ZNF548: variants seen among roughly 807,000 people sequenced by gnomAD.
The protein encoded by ZNF548 is zinc finger protein 548.
In ZNF548, 10 loss-of-function variants were observed where a neutral mutation model predicts 10.2. That is an observed-to-expected ratio of 0.98 (90% CI 0.60 to 1.66). The LOEUF (loss-of-function observed/expected upper bound fraction) is 1.66, where lower values mean the gene tolerates loss of function less well. Ranked by LOEUF, ZNF548 falls within the 40% of genes most tolerant of loss-of-function variation. The pLI is 0.00. For synonymous variants in ZNF548, 217 were observed against 223.5 expected, an observed-to-expected ratio of 0.97 and a Z score of 0.26; for missense variants, 599 against 657.0, an observed-to-expected ratio of 0.91 and a Z score of 0.97.
chr19:57,396,117 G>A (rs1032542670), intron 2 of ZNF548, among the ~76,000 whole-genome samples: 9 of 152,192 alleles, frequency 5.9e-5, no homozygotes, highest in African/African-American at 2.2e-4. Flanking sequence ...GTTGTCTGTG[G>A]AATTGACTGG....
In ZNF548 at chr19:57,400,012, C is replaced by T. The variant is rs2088702445; in HGVS notation, c.*123C>T. 1.4e-6 allele frequency: 1 copy of T among 717,764 alleles called. No individual in the cohort carries two copies. Among genetic ancestry groups the T allele is most frequent in the African/African-American group, 1.8e-5 (1 of 56,144 alleles). 44.5% of individuals were successfully genotyped at this position (717,764 alleles called of 1,614,324 possible). A position where few individuals can be genotyped will look rare whatever the true frequency, so the allele number is the denominator to read the frequency against. On this transcript the variant is annotated 3_prime_UTR_variant, in exon 4 of 4. Transcript: ENST00000336128. ...CCATTAACAACAACTCATTCCCCTTCCCTACTTCCCCAGAAATGTCTCAAC... is the reference window on the plus strand; with the variant it reads ...CCATTAACAACAACTCATTCCCCTTTCCTACTTCCCCAGAAATGTCTCAAC...
chr19:57,393,550 C>G (rs1345058890), intron 1 of ZNF548, among the ~76,000 whole-genome samples: 1 of 151,678 alleles, frequency 6.6e-6, no homozygotes, highest in Non-Finnish European at 1.5e-5. Context: ...ATCCCAGCTT[C>G]TCAGGAGGCT....
At chr19:57,397,955 G>A (rs1428373180) in intron 3 of ZNF548, among the ~76,000 whole-genome samples, 2 of 152,162 alleles carry the variant, frequency 1.3e-5, no homozygotes, top group African/African-American at 4.8e-5. Flanking sequence ...CCCACAGTCT[G>A]TACTTCTGGG....
intron 1 of ZNF548, among the ~76,000 whole-genome samples, chr19:57,391,551 T>C (rs2088625031): frequency 6.6e-6 from 1 of 152,188 alleles, no homozygotes; most frequent in African/African-American, 2.4e-5. Context: ...CTGTTTTCCA[T>C]TGAGGTTGTA....
In ZNF548 at chr19:57,402,721, C is replaced by T. The variant is rs1266660970; in HGVS notation, c.*2832C>T. On this transcript the variant is annotated 3_prime_UTR_variant, in exon 4 of 4. Transcript: ENST00000336128. The stretch of plus-strand genomic sequence containing the variant: ...TCATCTTTCCTTGTTAACATGATAA[C>T]TCAGTAGAGCAATGCTTTGGAGATT... 6.6e-6 allele frequency: 1 copy of T among 152,180 alleles called. No individual in the cohort carries two copies. The highest frequency in any genetic ancestry group is 1.5e-5 in the Non-Finnish European group (1 of 68,034). The allele number at this position is 152,180 out of a possible 1,614,324, so 9.4% of individuals were successfully genotyped here. A position where few individuals can be genotyped will look rare whatever the true frequency, so the allele number is the denominator to read the frequency against.
At position 57,399,967 on chromosome 19, in the gene ZNF548, C is replaced by A; in HGVS notation, c.*78C>A. On this transcript the variant is annotated 3_prime_UTR_variant, in exon 4 of 4. Coordinates refer to ENST00000336128, the MANE Select transcript of ZNF548 (RefSeq NM_001172773.2). This position sits in a 1 kb window ranked among gnomAD's most constrained non-coding sequence, Gnocchi z 4.0. The stretch of plus-strand genomic sequence containing the variant: ...ATCTCCAGAACATTTTTCCTCTTAC[C>A]AAGAAGTAAAATGCTGTACCCATTA... The A allele has an allele frequency of 3.3e-6, 4 of 1,226,220 alleles. No individual in the cohort carries two copies. The highest frequency in any genetic ancestry group is 4.4e-6 in the Non-Finnish European group (4 of 902,192). 76.0% of individuals were successfully genotyped at this position (1,226,220 alleles called of 1,614,324 possible).
chr19:57,390,322 G>T, intron 1 of ZNF548: 1 of 467,600 alleles, frequency 2.1e-6, no homozygotes, highest in African/African-American at 2.0e-5. Context: ...GGGCTGTGTT[G>T]GGGCGTCAGG....
Position 57,399,101 on chromosome 19 carries a change from A to G in ZNF548, c.850A>G (p.Lys284Glu), listed in dbSNP as rs1372175123. 6.2e-7 allele frequency: 1 copy of G among 1,614,224 alleles called. No individual in the cohort carries two copies. The highest frequency in any genetic ancestry group is 1.7e-5 in the Admixed American group (1 of 60,018). Reference sequence around the variant, plus strand: ...GTACAACTACCGACTCATGAGACATAAGCGAGTTCACACTGGAGAAAGGCC... The same window carrying G: ...GTACAACTACCGACTCATGAGACATGAGCGAGTTCACACTGGAGAAAGGCC... ...FMYNYRLMRH[K>E]RVHTGERPYE... Residue 284 changes from lysine (K) to glutamate (E), a missense_variant, in exon 4 of 4, where the codon AAG becomes GAG. By Grantham distance (56) the Lys-to-Glu change is moderately conservative. Transcript: ENST00000336128. This position sits in a 1 kb window ranked among gnomAD's most constrained non-coding sequence, Gnocchi z 4.0.
rs1199345740 is a variant in ZNF548 at position 57,397,795 on chromosome 19, A to G, written c.178+621A>G. 4.6e-5 allele frequency among the ~76,000 whole-genome samples: 7 copies of G among 152,134 alleles called. No individual in the cohort carries two copies. The East Asian group carries it at 1.4e-3, about 29-fold the overall frequency. On this transcript the variant is annotated intron_variant, in intron 3 of 3. Coordinates refer to ENST00000336128, the MANE Select transcript of ZNF548 (RefSeq NM_001172773.2). Reference sequence around the variant, plus strand: ...GCCCTGGTGCCTGGGAATTGGGAAAAGGGTTGATGTCACAGCTGGGGTCAA... The same window carrying G: ...GCCCTGGTGCCTGGGAATTGGGAAAGGGGTTGATGTCACAGCTGGGGTCAA...
At position 57,394,240 on chromosome 19, in the gene ZNF548, C is replaced by G. The variant is rs1444897798; in HGVS notation, c.51+17C>G. On this transcript the variant is annotated intron_variant, in intron 2 of 3. Coordinates refer to ENST00000336128, the MANE Select transcript of ZNF548 (RefSeq NM_001172773.2). ...CCTACACAGGTGAGTAGAGTGTTTC[C>G]TACTATTCACCCACCCTGGTTATCT... 1 of 1,600,332 alleles carries G rather than the reference C, an allele frequency of 6.2e-7. No homozygotes were observed. The highest frequency in any genetic ancestry group is 1.3e-5 in the African/African-American group (1 of 74,828).
chr19:57,393,982 A>G (rs930250784), intron 1 of ZNF548: 3 of 635,296 alleles, frequency 4.7e-6, no homozygotes, highest in African/African-American at 1.8e-5. Context: ...TATTCTTGCA[A>G]TCTATTTACA....
rs1026141356 is a variant in ZNF548 at position 57,395,302 on chromosome 19, G to A, written c.51+1079G>A. Among the ~76,000 whole-genome samples the A allele has an allele frequency of 1.3e-5, 2 of 152,076 alleles. No individual in the cohort carries two copies. The highest frequency in any genetic ancestry group is 2.9e-5 in the Non-Finnish European group (2 of 68,010). On this transcript the variant is annotated intron_variant, in intron 2 of 3. Transcript: ENST00000336128. The surrounding 1 kb of genome is among the most constrained non-coding windows in gnomAD (Gnocchi z 4.8). ...TCTGAAGGAGAGTGGACATGATGGG[G>A]TTGCTGAGGGGGGATAATAGGGTGA...
In ZNF548 at chr19:57,390,024, G is replaced by C. The variant is rs942917116; in HGVS notation, c.-76G>C. ...GAGTGAGTCAACTGACAAGCGCTGG[G>C]GACAGTGGCGTCCTTGTCTTGCCTT... On this transcript the variant is annotated 5_prime_UTR_variant, in exon 1 of 4. Transcript: ENST00000336128. 1.3e-6 allele frequency: 2 copies of C among 1,560,666 alleles called. No homozygotes were observed. The highest frequency in any genetic ancestry group is 1.7e-6 in the Non-Finnish European group (2 of 1,150,802).
intron 1 of ZNF548, chr19:57,392,720 G>A: frequency 1.0e-6 from 1 of 957,410 alleles, no homozygotes; most frequent in Non-Finnish European, 1.2e-6. Context: ...TTACCATGCT[G>A]TTTTGGTTAC....
Position 57,399,816 on chromosome 19 carries a change from T to C in ZNF548, c.1565T>C (p.Val522Ala). The change falls in exon 4 of 4, where the codon GTG becomes GCG. Residue 522 changes from valine (V) to alanine (A), a missense_variant. Val to Ala is a moderately conservative substitution (Grantham distance 64). Coordinates refer to ENST00000336128, the MANE Select transcript of ZNF548 (RefSeq NM_001172773.2). This position sits in a 1 kb window ranked among gnomAD's most constrained non-coding sequence, Gnocchi z 4.0. Reference sequence around the variant, plus strand: ...GAGAGGCTTGTGTGCTCCATGAATGTGGGGAATTCTTTAGCTAAAACTCCA... The same window carrying C: ...GAGAGGCTTGTGTGCTCCATGAATGCGGGGAATTCTTTAGCTAAAACTCCA... ...SEERLVCSMN[V>A]GNSLAKTPTS... is the part of the protein sequence containing the mutation. 6.2e-7 allele frequency: 1 copy of C among 1,613,838 alleles called. No homozygotes were observed. The highest frequency in any genetic ancestry group is 8.5e-7 in the Non-Finnish European group (1 of 1,179,756).
At chr19:57,391,671 G>A (rs1412175843) in intron 1 of ZNF548, among the ~76,000 whole-genome samples, 1 of 152,024 alleles carries the variant, frequency 6.6e-6, no homozygotes, top group Non-Finnish European at 1.5e-5. Flanking sequence ...CTGGTGTAAG[G>A]AGATACTGTG....
chr19:57,390,042 C>T lies in ZNF548; in HGVS notation c.-58C>T, dbSNP rs922743238. ...GCGCTGGGGACAGTGGCGTCCTTGT[C>T]TTGCCTTTGTCGCTCCCGCCCCGCT... On this transcript the variant is annotated 5_prime_UTR_variant, in exon 1 of 4. Transcript: ENST00000336128. 1.3e-6 allele frequency: 2 copies of T among 1,598,362 alleles called. No individual in the cohort carries two copies.
rs558151268 is a variant in ZNF548, at chr19:57,390,294, A to G, written c.15+180A>G. 5.8e-5 allele frequency: 34 copies of G among 582,032 alleles called. No homozygotes were observed. The South Asian group carries it at 9.4e-4, about 16-fold the overall frequency. The allele number at this position is 582,032 out of a possible 1,614,324, so 36.1% of individuals were successfully genotyped here. ...CCGTTAGGGACCTCAGGTTCAGAGC[A>G]TGGAGGCGCTGCCGAGTGGGCTGTG... On this transcript the variant is annotated intron_variant, in intron 1 of 3. Transcript: ENST00000336128.
chr19:57,399,017 C>T lies in ZNF548; in HGVS notation c.766C>T (p.Gln256Ter). The T allele has an allele frequency of 6.2e-7, 1 of 1,614,136 alleles. No individual in the cohort carries two copies. Among genetic ancestry groups the T allele is most frequent in the African/African-American group, 1.3e-5 (1 of 75,052 alleles). ...FKYSANFMKH[Q>*]TVHTSERTYE... ...GTACAGTGCCAATTTCATGAAACAT[C>T]AGACAGTTCACACTAGTGAAAGGAC... Residue 256 changes from glutamine (Q) to a stop codon, truncating the protein, a stop_gained, in exon 4 of 4, where the codon CAG becomes TAG. Transcript: ENST00000336128. LOFTEE classifies it low-confidence loss of function (END_TRUNC). This position sits in a 1 kb window ranked among gnomAD's most constrained non-coding sequence, Gnocchi z 4.0.
Sources: allele counts gnomAD v4.1 joint callset (sites outside exome capture counted in the v4.1 genomes callset), GRCh38; gene constraint gnomAD v4.1.1; non-coding constraint Gnocchi (gnomAD v3.1); transcripts MANE v1.5; gene names NCBI Gene and HGNC (gene_info 2026-07-23, HGNC 2026-07-21).